The following COPS8 variants were observed in gnomAD, a reference collection of about 807,000 sequenced individuals.
COPS8 encodes COP9 signalosome subunit 8.
Under a neutral mutation model 31.5 loss-of-function variants are expected in COPS8, and 11 were observed. The ratio of observed to expected loss-of-function variants is 0.35; its 90% CI spans 0.22 to 0.58. The LOEUF (loss-of-function observed/expected upper bound fraction) is 0.58. Among genes scored for constraint, COPS8 ranks in the 20% least tolerant of loss-of-function variants. COPS8 has a pLI of 0.83. For missense variants in COPS8, 215 were observed against 255.1 expected (o/e 0.84, Z 1.07); for synonymous variants, 81 against 89.3 (o/e 0.91, Z 0.52).
At chr2:237,097,609 A>G in intron 7 of COPS8, 54 bp from the exon 8 acceptor site, 1 of 1,334,822 alleles carries the variant, frequency 7.5e-7, no homozygotes. Context: ...TTGGGGCCAA[A>G]GCTTTGTTAC....
intron 4 of COPS8, 146 bp downstream of exon 4, chr2:237,090,140 C>T (rs933481131): frequency 2.9e-6 from 2 of 701,290 alleles, no homozygotes; most frequent in African/African-American, 1.8e-5. Flanking sequence ...TTTAGATTTG[C>T]CCTAATCATG....
At chr2:237,096,368 A>G (rs1423554000) in intron 6 of COPS8, among the ~76,000 whole-genome samples, 4 of 151,998 alleles carry the variant, frequency 2.6e-5, no homozygotes, top group Non-Finnish European at 5.9e-5. Context: ...CTTTATCTGA[A>G]TTCCCAGCCC....
At chr2:237,092,956 CGA>C (rs1559299831) in intron 4 of COPS8, among the ~76,000 whole-genome samples, 3 of 151,984 alleles carry the variant, frequency 2.0e-5, no homozygotes, top group Admixed American at 2.0e-4. Flanking sequence ...CCCTTCCTGT[CGA>C]GAAGTTTGGA....
In COPS8 at chr2:237,085,960, C is replaced by G; in HGVS notation, c.-5C>G. 1 of 1,612,596 alleles carries G rather than the reference C, an allele frequency of 6.2e-7. No individual in the cohort carries two copies. The highest frequency in any genetic ancestry group is 8.5e-7 in the Non-Finnish European group (1 of 1,179,272). ...GACGGTGCAGCGGCGAGGCCGGCCG[C>G]GAAGATGCCAGTGGCGGTGATGGCG... On this transcript the variant is annotated 5_prime_UTR_variant, in exon 1 of 8. Coordinates refer to ENST00000354371, the MANE Select transcript of COPS8 (RefSeq NM_006710.5).
rs1696600949 is a variant in COPS8, at chr2:237,085,903, G to A, written c.-62G>A. 4 of 1,517,750 alleles carry A rather than the reference G, an allele frequency of 2.6e-6. No homozygotes were observed. The highest frequency in any genetic ancestry group is 1.8e-5 in the Admixed American group (1 of 54,708). The allele number at this position is 1,517,750 out of a possible 1,614,324, so 94.0% of individuals were successfully genotyped here. A position where few individuals can be genotyped will look rare whatever the true frequency, so the allele number is the denominator to read the frequency against. On this transcript the variant is annotated 5_prime_UTR_variant, in exon 1 of 8. Coordinates refer to ENST00000354371, the MANE Select transcript of COPS8 (RefSeq NM_006710.5). The stretch of plus-strand genomic sequence containing the variant: ...CTTTAAACGTCATCGCGGGCGCGAC[G>A]CCTGAGGGACAGTCTGGGGTTTGGC...
rs141211529 is a variant in COPS8 at position 237,093,204 on chromosome 2, C to T, written c.332-886C>T. Among the ~76,000 whole-genome samples the T allele has an allele frequency of 5.0e-3, 757 of 152,282 alleles. 8 individuals carry two copies. Among genetic ancestry groups the T allele is most frequent in the African/African-American group, 0.017 (713 of 41,556 alleles). On this transcript the variant is annotated intron_variant, in intron 4 of 7. Transcript: ENST00000354371. ...TAAGACTTGTCTGAGAGCCAGTGGA[C>T]TCGTTTGGCACAAAGGGTATCTGGG...
intron 4 of COPS8, among the ~76,000 whole-genome samples, chr2:237,092,925 GA>G (rs761511788): frequency 7.2e-5 from 11 of 152,198 alleles, no homozygotes; most frequent in South Asian, 4.1e-4. Flanking sequence ...GTGTTTGGGG[GA>G]CTTTGAGGAT....
intron 4 of COPS8, chr2:237,093,601 CAAGAGTTTGATG>C: frequency 1.4e-6 from 1 of 736,312 alleles, no homozygotes; most frequent in Non-Finnish European, 1.7e-6. Context: ...TTAATTCAGT[CAAGAGTTTGATG>C]CAGACTTGGA....
At chr2:237,095,204 A>G (rs1696777622) in intron 5 of COPS8, among the ~76,000 whole-genome samples, 2 of 152,288 alleles carry the variant, frequency 1.3e-5, no homozygotes, top group African/African-American at 4.8e-5. Context: ...TATTTTCTAT[A>G]TATAACATAC....
intron 6 of COPS8, among the ~76,000 whole-genome samples, 161 bp downstream of exon 6, chr2:237,096,045 T>C (rs960714546): frequency 6.6e-6 from 1 of 152,224 alleles, no homozygotes; most frequent in Non-Finnish European, 1.5e-5. Flanking sequence ...GTAGAAAGGA[T>C]CACCTAGTTT....
intron 4 of COPS8, chr2:237,093,763 G>C: frequency 1.0e-6 from 1 of 1,000,582 alleles, no homozygotes; most frequent in Non-Finnish European, 1.2e-6. Context: ...AATAAGATAA[G>C]TAAAATTTAT....
chr2:237,099,587 C>T lies in COPS8; in HGVS notation c.*1845C>T, dbSNP rs1294816978. On this transcript the variant is annotated 3_prime_UTR_variant, in exon 8 of 8. Transcript: ENST00000354371. ...TAGACCCCAGTAATCTTAAATTTGA[C>T]ATGGAAACCTCATTATATGCTTTAT... The T allele has an allele frequency of 6.6e-6, 1 of 152,120 alleles. No homozygotes were observed. Among genetic ancestry groups the T allele is most frequent in the Non-Finnish European group, 1.5e-5 (1 of 68,016 alleles). 9.4% of individuals were successfully genotyped at this position (152,120 alleles called of 1,614,324 possible). A position where few individuals can be genotyped will look rare whatever the true frequency, so the allele number is the denominator to read the frequency against.
intron 7 of COPS8, among the ~76,000 whole-genome samples, 197 bp downstream of exon 7, chr2:237,097,066 T>A (rs1696815995): frequency 6.6e-6 from 1 of 152,226 alleles, no homozygotes; most frequent in Admixed American, 6.5e-5. Context: ...CTTGAGGCGG[T>A]GCCCTCCTCT....
At position 237,096,889 on chromosome 2, in the gene COPS8, C is replaced by T. The variant is rs563121538; in HGVS notation, c.550+20C>T. 7 of 1,555,160 alleles carry T rather than the reference C, an allele frequency of 4.5e-6. No homozygotes were observed. In the African/African-American group the frequency reaches 8.2e-5, roughly 18 times the overall value. On this transcript the variant is annotated intron_variant, in intron 7 of 7. Coordinates refer to ENST00000354371, the MANE Select transcript of COPS8 (RefSeq NM_006710.5). ...TATCAGGTATGTATTTTCATATGCA[C>T]ATTTTTTAATGTCTCATTGTTCCTA... is the stretch of plus-strand genomic sequence containing the variant.
At chr2:237,086,428 G>T (rs543198311) in intron 1 of COPS8, among the ~76,000 whole-genome samples, 53 of 151,886 alleles carry the variant, frequency 3.5e-4, no homozygotes, top group Middle Eastern at 3.4e-3. Context: ...CAACTCACAC[G>T]CACACCAAGA....
At chr2:237,092,764 C>G (rs757368786) in intron 4 of COPS8, among the ~76,000 whole-genome samples, 44 of 152,174 alleles carry the variant, frequency 2.9e-4, no homozygotes, top group Non-Finnish European at 4.1e-4. Context: ...GAGAGGATGT[C>G]GGGCTCAGAT....
chr2:237,094,249 A>G, intron 5 of COPS8, 52 bp downstream of exon 5: 1 of 1,530,994 alleles, frequency 6.5e-7, no homozygotes, highest in Non-Finnish European at 9.0e-7. Context: ...TAGAAGTGTG[A>G]ATTGTAGGTT....
chr2:237,093,934 TGG>T, intron 4 of COPS8, 154 bp from the exon 5 acceptor site: 1 of 1,357,520 alleles, frequency 7.4e-7, no homozygotes. Flanking sequence ...CCGTACATAC[TGG>T]GCATATGTAT....
chr2:237,097,405 T>C (rs1296981624), intron 7 of COPS8, among the ~76,000 whole-genome samples: 2 of 152,160 alleles, frequency 1.3e-5, no homozygotes, highest in Non-Finnish European at 2.9e-5. Context: ...TTACATAGAA[T>C]ACTTCAGTAA....
Sources: allele counts gnomAD v4.1 joint callset (sites outside exome capture counted in the v4.1 genomes callset), GRCh38; gene constraint gnomAD v4.1.1; transcripts MANE v1.5; gene names NCBI Gene and HGNC (gene_info 2026-07-23, HGNC 2026-07-21).